RBM39: variants seen among roughly 807,000 people sequenced by gnomAD.
The protein encoded by RBM39 is RNA binding motif protein 39.
Under a neutral mutation model 79.6 loss-of-function variants are expected in RBM39, and 12 were observed. The ratio of observed to expected loss-of-function variants is 0.15; its 90% confidence interval spans 0.10 to 0.24. RBM39 has a LOEUF of 0.24. Among genes scored for constraint, RBM39 ranks in the 10% least tolerant of loss-of-function variants. The pLI is 1.00. For missense variants in RBM39, 243 were observed against 653.4 expected, an observed-to-expected ratio of 0.37 and a Z score of 6.85; for synonymous variants, 185 against 208.4, an observed-to-expected ratio of 0.89 and a Z score of 0.97.
chr20:35,706,086 C>T (rs1453625488), intron 14 of RBM39, among the ~76,000 whole-genome samples: 1 of 151,948 alleles, frequency 6.6e-6, no homozygotes, highest in Non-Finnish European at 1.5e-5. Flanking sequence ...CGCCTGTAAT[C>T]CCAGCACTTT....
At chr20:35,734,392 C>T in intron 3 of RBM39, 1 of 328,066 alleles carries the variant, frequency 3.0e-6, no homozygotes, top group Admixed American at 3.9e-5. Context: ...GGTAACACTC[C>T]AATTTTGTTG....
intron 4 of RBM39, 126 bp from the exon 5 acceptor site, chr20:35,729,653 AAAC>A: frequency 2.5e-6 from 2 of 802,848 alleles, no homozygotes; most frequent in East Asian, 5.3e-5. Context: ...TATGAAGAGG[AAAC>A]AAAAATACTT....
In RBM39 at chr20:35,704,353, G is replaced by T. The variant is rs187413187; in HGVS notation, c.*128C>A. On this transcript the variant is annotated 3_prime_UTR_variant, in exon 17 of 17. Coordinates refer to ENST00000253363, the MANE Select transcript of RBM39 (RefSeq NM_184234.3). The stretch of plus-strand genomic sequence containing the variant: ...CCTGTTAACATTTTTATTTTTTCAA[G>T]GTAACAGGAAATTGCATACAAATGA... 3,753 of 676,136 alleles carry T rather than the reference G, an allele frequency of 5.6e-3. 27 individuals are homozygous for T. The highest frequency in any genetic ancestry group is 0.015 in the Middle Eastern group (36 of 2,346). The allele number at this position is 676,136 out of a possible 1,614,324, so 41.9% of individuals were successfully genotyped here. A position where few individuals can be genotyped will look rare whatever the true frequency, so the allele number is the denominator to read the frequency against.
At position 35,736,633 on chromosome 20, in the gene RBM39, A is replaced by G. The variant is rs186287660; in HGVS notation, c.101+2335T>C. On this transcript the variant is annotated intron_variant, in intron 3 of 16. Coordinates refer to ENST00000253363, the MANE Select transcript of RBM39 (RefSeq NM_184234.3). ...TATTTTTCTCTCGTTTTTCATTAAC[A>G]TAAGGTCGTAAGTATGACAGATTTT... 11 of 466,450 alleles carry G rather than the reference A, an allele frequency of 2.4e-5. No homozygotes were observed. In the Middle Eastern group the frequency reaches 1.0e-3, roughly 43 times the overall value. The allele number at this position is 466,450 out of a possible 1,614,324, so 28.9% of individuals were successfully genotyped here. A position where few individuals can be genotyped will look rare whatever the true frequency, so the allele number is the denominator to read the frequency against.
At chr20:35,730,047 A>G (rs1363257528) in intron 4 of RBM39, among the ~76,000 whole-genome samples, 3 of 152,178 alleles carry the variant, frequency 2.0e-5, no homozygotes, top group African/African-American at 7.2e-5. Context: ...TGAATTCTTT[A>G]GTCATGCAAC....
At chr20:35,713,202 G>A in intron 11 of RBM39, 106 bp from the exon 12 acceptor site, 1 of 920,758 alleles carries the variant, frequency 1.1e-6, no homozygotes, top group Non-Finnish European at 1.6e-6. Flanking sequence ...TTGCAAGGAG[G>A]GCCGAGTGTG....
intron 10 of RBM39, among the ~76,000 whole-genome samples, chr20:35,716,024 T>A (rs1217174263): frequency 6.6e-6 from 1 of 152,200 alleles, no homozygotes; most frequent in Non-Finnish European, 1.5e-5. Context: ...CTGCAGAACC[T>A]AATAAACCTA....
At chr20:35,737,134 G>A (rs1269086030) in intron 3 of RBM39, among the ~76,000 whole-genome samples, 1 of 151,840 alleles carries the variant, frequency 6.6e-6, no homozygotes, top group Non-Finnish European at 1.5e-5. Context: ...GCTCACGCCT[G>A]TAATCCCAGC....
intron 8 of RBM39, among the ~76,000 whole-genome samples, chr20:35,723,090 T>A (rs2038193332): frequency 6.6e-6 from 1 of 152,058 alleles, no homozygotes; most frequent in South Asian, 2.1e-4. Flanking sequence ...ACAACCAACA[T>A]TCACTAAAAT....
intron 7 of RBM39, 62 bp downstream of exon 7, chr20:35,724,976 T>C (rs1366263758): frequency 2.5e-5 from 29 of 1,179,928 alleles, no homozygotes; most frequent in Non-Finnish European, 2.6e-5. Flanking sequence ...AAGTATTTGA[T>C]GTTTACATGT....
At position 35,734,577 on chromosome 20, in the gene RBM39, C is replaced by T. The variant is rs1186021508; in HGVS notation, c.102-2442G>A. 1.7e-5 allele frequency: 4 copies of T among 237,258 alleles called. No homozygotes were observed. The East Asian group carries it at 4.0e-4, about 24-fold the overall frequency. 14.7% of individuals were successfully genotyped at this position (237,258 alleles called of 1,614,324 possible). The stretch of plus-strand genomic sequence containing the variant: ...GATGGGCTATAGCAAGAGAGGCAAC[C>T]AACCTATTTACCTCTCATAGGACCC... On this transcript the variant is annotated intron_variant, in intron 3 of 16. Transcript: ENST00000253363.
At chr20:35,739,683 T>TAA (rs137947786) in intron 2 of RBM39, 11 of 344,046 alleles carry the variant, frequency 3.2e-5, no homozygotes, top group East Asian at 1.5e-4. Flanking sequence ...ACATCCATGT[T>TAA]AAAAAAAACT....
At chr20:35,741,461 CGTAA>C (rs1484532077) in intron 1 of RBM39, 1 of 152,402 alleles carries the variant, frequency 6.6e-6, no homozygotes, top group African/African-American at 2.4e-5. Context: ...GTTTGGCTTA[CGTAA>C]GTAAATCCAA....
chr20:35,735,560 C>T (rs1185966195), intron 3 of RBM39, among the ~76,000 whole-genome samples: 1 of 152,172 alleles, frequency 6.6e-6, no homozygotes, highest in Non-Finnish European at 1.5e-5. Flanking sequence ...AAATGCAACA[C>T]GGCACTTTCC....
Position 35,709,429 on chromosome 20 carries a change from C to G in RBM39, c.1175-155G>C, listed in dbSNP as rs1600393635. ...CCTTCCCCATTCCTCATTGAGAAGG[C>G]TTTGGGGCCTTTTTTCCCCCTCTTA... is the stretch of plus-strand genomic sequence containing the variant. On this transcript the variant is annotated intron_variant, in intron 12 of 16. Transcript: ENST00000253363. 1.2e-5 allele frequency: 7 copies of G among 590,098 alleles called. No individual in the cohort carries two copies. In the Admixed American group the frequency reaches 1.7e-4, roughly 15 times the overall value. The allele number at this position is 590,098 out of a possible 1,614,324, so 36.6% of individuals were successfully genotyped here.
intron 8 of RBM39, among the ~76,000 whole-genome samples, chr20:35,722,457 G>GTTTTTTTT (rs1423718184): frequency 0.054 from 7,081 of 130,234 alleles, 351 homozygotes; most frequent in South Asian, 0.07. Flanking sequence ...TTATTTAGAG[G>GTTTTTTTT]CTTTTTTTTT....
At chr20:35,741,890 G>A (rs376497464) in intron 1 of RBM39, 51 bp downstream of exon 1, 6 of 162,576 alleles carry the variant, frequency 3.7e-5, no homozygotes, top group South Asian at 3.4e-4. Flanking sequence ...CCAAAATGGA[G>A]CCAAACCTCG....
At chr20:35,730,041 T>C (rs2039198588) in intron 4 of RBM39, among the ~76,000 whole-genome samples, 2 of 152,170 alleles carry the variant, frequency 1.3e-5, no homozygotes, top group African/African-American at 4.8e-5. Context: ...CTAAAGTGAA[T>C]TCTTTAGTCA....
At chr20:35,707,278 C>A in intron 13 of RBM39, 77 bp from the exon 14 acceptor site, 2 of 898,670 alleles carry the variant, frequency 2.2e-6, no homozygotes, top group Non-Finnish European at 3.4e-6. Context: ...AAAACGAAAC[C>A]AAAAACCCAC....
Sources: allele counts gnomAD v4.1 joint callset (sites outside exome capture counted in the v4.1 genomes callset), GRCh38; gene constraint gnomAD v4.1.1; transcripts MANE v1.5; gene names NCBI Gene and HGNC (gene_info 2026-07-23, HGNC 2026-07-21).